THADA: variants seen among roughly 807,000 people sequenced by gnomAD.
THADA encodes the protein THADA armadillo repeat containing.
In THADA, 213 loss-of-function variants were observed where a neutral mutation model predicts 219.8. The ratio of observed to expected loss-of-function variants is 0.97; its 90% CI spans 0.87 to 1.09. THADA has a LOEUF of 1.09. THADA is among the 50% of genes least tolerant of loss of function. The pLI, the probability that THADA is intolerant of heterozygous loss-of-function variation, is 0.00. For missense variants in THADA, 2,956 were observed against 2,311.3 expected (o/e 1.28, Z -5.72); for synonymous variants, 1,018 against 828.9 (o/e 1.23, Z -3.92).
intron 20 of THADA, among the ~76,000 whole-genome samples, chr2:43,543,547 A>G (rs1574172568): frequency 3.3e-5 from 5 of 150,026 alleles, no homozygotes; most frequent in Admixed American, 3.3e-4. Flanking sequence ...TTGTTTCCTG[A>G]CTTTTTAATG....
chr2:43,504,032 T>G (rs1324036905), intron 24 of THADA, among the ~76,000 whole-genome samples: 1 of 152,070 alleles, frequency 6.6e-6, no homozygotes, highest in African/African-American at 2.4e-5. Context: ...AGATTAGAGA[T>G]GCTGACCTGT....
chr2:43,552,865 A>C (rs1696909022), intron 17 of THADA, among the ~76,000 whole-genome samples: 1 of 151,792 alleles, frequency 6.6e-6, no homozygotes, highest in Non-Finnish European at 1.5e-5. Flanking sequence ...TTGCACCTCT[A>C]CCCTTCTCCA....
chr2:43,572,967 T>C lies in THADA; in HGVS notation c.1755A>G (p.Leu585=). ...KTGQEQSFPS[L]GSCNSRGALG... is the part of the protein sequence containing the mutation. The stretch of plus-strand genomic sequence containing the variant: ...GAGCCCCCCTGCTATTACAAGACCC[T>C]AAGGATGGGAAAGATTGCTCTTGTC... Residue 585 remains leucine (L), a synonymous_variant, in exon 12 of 38, where the codon TTA becomes TTG. Transcript: ENST00000405975. 1 of 1,613,768 alleles carries C rather than the reference T, an allele frequency of 6.2e-7. No individual in the cohort carries two copies. Among genetic ancestry groups the C allele is most frequent in the South Asian group, 1.1e-5 (1 of 91,060 alleles).
At chr2:43,424,836 C>G (rs1448630078) in intron 28 of THADA, among the ~76,000 whole-genome samples, 1 of 152,118 alleles carries the variant, frequency 6.6e-6, no homozygotes, top group African/African-American at 2.4e-5. Flanking sequence ...AGTCCTATAA[C>G]CCCAGGCGAT....
chr2:43,303,996 TCATC>T (rs1476000007), intron 31 of THADA, among the ~76,000 whole-genome samples: 1 of 152,208 alleles, frequency 6.6e-6, no homozygotes, highest in Non-Finnish European at 1.5e-5. Context: ...CCATCTGACA[TCATC>T]CATGCTTTCC....
chr2:43,233,041 A>G (rs1184335664), intron 36 of THADA, 159 bp from the exon 37 acceptor site: 15 of 689,870 alleles, frequency 2.2e-5, no homozygotes, highest in Non-Finnish European at 3.2e-5. Flanking sequence ...ACGATTAATC[A>G]CCTTCTGAAT....
intron 36 of THADA, among the ~76,000 whole-genome samples, chr2:43,239,437 A>C (rs1668393230): frequency 6.6e-6 from 1 of 152,174 alleles, no homozygotes. Context: ...TACAAATCTC[A>C]GCCTCTGATT....
At chr2:43,484,648 G>T (rs528204556) in intron 26 of THADA, among the ~76,000 whole-genome samples, 1 of 152,000 alleles carries the variant, frequency 6.6e-6, no homozygotes, top group Non-Finnish European at 1.5e-5. Context: ...GGTTCCACAG[G>T]TTTCTTTTCA....
chr2:43,341,695 G>C (rs1267186514), intron 30 of THADA, among the ~76,000 whole-genome samples: 1 of 152,216 alleles, frequency 6.6e-6, no homozygotes, highest in Non-Finnish European at 1.5e-5. Flanking sequence ...ACTTGGGACA[G>C]TCCTGGCTAG....
Position 43,577,261 on chromosome 2 carries a change from G to A in THADA, c.817-19C>T. 1 of 1,539,964 alleles carries A rather than the reference G, an allele frequency of 6.5e-7. No homozygotes were observed. The highest frequency in any genetic ancestry group is 2.4e-5 in the East Asian group (1 of 41,764). ...TGCTAATCTGGAAAAATATAGCAGA[G>A]CTAACACACATAAAGCTTTTAAAAC... On this transcript the variant is annotated intron_variant, in intron 9 of 37. Coordinates refer to ENST00000405975, the MANE Select transcript of THADA (RefSeq NM_022065.5).
At chr2:43,594,616 TAC>T (rs1491004818) in intron 1 of THADA, among the ~76,000 whole-genome samples, 5 of 151,870 alleles carry the variant, frequency 3.3e-5, no homozygotes, top group Non-Finnish European at 4.4e-5. Context: ...AATAAATAAA[TAC>T]TTGAGATTTT....
At chr2:43,327,684 T>C (rs952800765) in intron 30 of THADA, among the ~76,000 whole-genome samples, 3 of 152,084 alleles carry the variant, frequency 2.0e-5, no homozygotes, top group African/African-American at 7.2e-5. Context: ...CATGGAAGGA[T>C]TGCTTGAGAT....
chr2:43,539,749 C>T (rs1038454528), intron 21 of THADA, among the ~76,000 whole-genome samples: 9 of 151,872 alleles, frequency 5.9e-5, no homozygotes, highest in African/African-American at 2.2e-4. Context: ...TTTATTTAAG[C>T]AGTCACTGGA....
Position 43,236,800 on chromosome 2 carries a change from G to A in THADA, c.5297-3918C>T, listed in dbSNP as rs185993484. Among the ~76,000 whole-genome samples, 444 of 150,180 alleles carry A rather than the reference G, an allele frequency of 3.0e-3. 3 individuals carry two copies. Among genetic ancestry groups the A allele is most frequent in the African/African-American group, 0.01 (426 of 40,772 alleles). Reference sequence around the variant, plus strand: ...GCGTGGGCCGGGCACGGTGGCTCACGCCTGTAATCCCAGCACTTTGGAAGG... The same window carrying A: ...GCGTGGGCCGGGCACGGTGGCTCACACCTGTAATCCCAGCACTTTGGAAGG... On this transcript the variant is annotated intron_variant, in intron 36 of 37. Coordinates refer to ENST00000405975, the MANE Select transcript of THADA (RefSeq NM_022065.5).
rs1054509754 is a variant in THADA at position 43,301,970 on chromosome 2, G to T, written c.4439-8757C>A. 2.0e-5 allele frequency among the ~76,000 whole-genome samples: 3 copies of T among 152,146 alleles called. No homozygotes were observed. In the South Asian group the frequency reaches 6.2e-4, roughly 32 times the overall value. ...CTTCGTTTGCAGGACACAAATAACT[G>T]AAGTTTGATCCAGTCTGAAGTTTAG... On this transcript the variant is annotated intron_variant, in intron 31 of 37. Coordinates refer to ENST00000405975, the MANE Select transcript of THADA (RefSeq NM_022065.5).
At position 43,549,400 on chromosome 2, in the gene THADA, C is replaced by T. The variant is rs115448958; in HGVS notation, c.2948-32G>A. Reference sequence around the variant, plus strand: ...GAAAGAAATGAGCGTACATGAAACCCAGTAACACATCACATGCCAGATTTC... The same window carrying T: ...GAAAGAAATGAGCGTACATGAAACCTAGTAACACATCACATGCCAGATTTC... On this transcript the variant is annotated intron_variant, in intron 19 of 37. Transcript: ENST00000405975. 1.2e-3 allele frequency: 1,951 copies of T among 1,572,582 alleles called. 18 individuals are homozygous for T. The African/African-American group carries it at 0.024, about 19-fold the overall frequency.
intron 20 of THADA, among the ~76,000 whole-genome samples, chr2:43,548,663 C>T (rs917266123): frequency 6.6e-6 from 1 of 152,234 alleles, no homozygotes; most frequent in Non-Finnish European, 1.5e-5. Context: ...GGCGTAGGAC[C>T]CTCTGAGCCA....
intron 22 of THADA, among the ~76,000 whole-genome samples, chr2:43,526,803 T>A (rs777105152): frequency 1.2e-4 from 18 of 152,158 alleles, no homozygotes; most frequent in Non-Finnish European, 8.8e-5. Flanking sequence ...AGGAACTTCA[T>A]CTTATAAAAA....
At chr2:43,539,955 T>C (rs1695092011) in intron 21 of THADA, among the ~76,000 whole-genome samples, 1 of 152,192 alleles carries the variant, frequency 6.6e-6, no homozygotes, top group Admixed American at 6.5e-5. Flanking sequence ...TTAGTTACAG[T>C]AAAAGCAAAA....
Sources: allele counts gnomAD v4.1 joint callset (sites outside exome capture counted in the v4.1 genomes callset), GRCh38; gene constraint gnomAD v4.1.1; transcripts MANE v1.5; gene names NCBI Gene and HGNC (gene_info 2026-07-23, HGNC 2026-07-21).